The following COL4A6 variants were observed in gnomAD, a reference collection of about 807,000 sequenced individuals.
COL4A6 encodes the protein collagen type IV alpha 6 chain, also known as collagen alpha-6(IV) chain.
In COL4A6, 59 loss-of-function variants were observed where a neutral mutation model predicts 126.7. The ratio of observed to expected loss-of-function variants is 0.47; its 90% confidence interval spans 0.38 to 0.58. COL4A6 has a LOEUF of 0.58. COL4A6 is among the 20% of genes least tolerant of loss of function. The probability of loss-of-function intolerance (pLI) is 0.00; values close to 1 mark genes in which losing one functional copy is unlikely to be tolerated. For synonymous variants in COL4A6, 547 were observed against 496.6 expected (o/e 1.10, Z -1.35); for missense variants, 1,285 against 1,337.3 (o/e 0.96, Z 0.61).
chrX:108,421,790 A>G (rs1275656167), intron 2 of COL4A6, among the ~76,000 whole-genome samples: 1 of 111,721 alleles, frequency 9.0e-6, no homozygotes, highest in Non-Finnish European at 1.9e-5. Flanking sequence ...GATATACACC[A>G]AATTTATGAT....
rs182363338 is a variant in COL4A6, at chrX:108,243,865, A to G, written c.145-22491T>C. ...CCAGTTAATTACAGGATAGACATGA[A>G]CACCCTCCTACACAAACAACTTAGT... is the stretch of plus-strand genomic sequence containing the variant. On this transcript the variant is annotated intron_variant, in intron 3 of 44. Transcript: ENST00000334504. Among the ~76,000 whole-genome samples the G allele has an allele frequency of 4.1e-3, 461 of 111,980 alleles. 1 individual carries two copies. The highest frequency in any genetic ancestry group is 6.4e-3 in the Non-Finnish European group (341 of 53,175).
At chrX:108,231,140 A>C (rs2036294090) in intron 3 of COL4A6, among the ~76,000 whole-genome samples, 1 of 111,820 alleles carries the variant, frequency 8.9e-6, no homozygotes, top group Non-Finnish European at 1.9e-5. Context: ...GATGTCTTGC[A>C]AAGGCAATTT....
chrX:108,165,517 G>A (rs2034102240), intron 37 of COL4A6, 31 bp from the exon 38 acceptor site: 1 of 988,772 alleles, frequency 1.0e-6, no homozygotes, highest in Admixed American at 3.2e-5. Flanking sequence ...GGGCTGGATA[G>A]GCTCTGTGTG....
At chrX:108,293,713 A>AT (rs766113808) in intron 3 of COL4A6, among the ~76,000 whole-genome samples, 44 of 108,834 alleles carry the variant, frequency 4.0e-4, no homozygotes, top group Admixed American at 6.9e-4. Flanking sequence ...AGGTCAAGTG[A>AT]TTTTTTTTTT....
chrX:108,317,311 G>A (rs891450946), intron 2 of COL4A6, among the ~76,000 whole-genome samples: 1 of 112,111 alleles, frequency 8.9e-6, no homozygotes, highest in African/African-American at 3.2e-5. Context: ...AACTGTTGGA[G>A]AAGCTTGCTT....
intron 37 of COL4A6, among the ~76,000 whole-genome samples, chrX:108,167,302 T>G (rs1380048966): frequency 8.9e-6 from 1 of 111,824 alleles, no homozygotes; most frequent in Non-Finnish European, 1.9e-5. Flanking sequence ...TAGATAACAG[T>G]ACTGTAATGA....
chrX:108,225,428 A>T (rs1299501205), intron 3 of COL4A6, among the ~76,000 whole-genome samples: 1 of 112,968 alleles, frequency 8.9e-6, no homozygotes, highest in African/African-American at 3.2e-5. Flanking sequence ...ACAGGGCAGA[A>T]GGAACTCCTC....
At chrX:108,209,554 A>G (rs2035642386) in intron 8 of COL4A6, among the ~76,000 whole-genome samples, 1 of 112,419 alleles carries the variant, frequency 8.9e-6, no homozygotes, top group African/African-American at 3.2e-5. Context: ...ACAGCCTTAC[A>G]TGGACTCACC....
chrX:108,328,004 G>T (rs2039202960), intron 2 of COL4A6, among the ~76,000 whole-genome samples: 2 of 111,148 alleles, frequency 1.8e-5, no homozygotes, highest in African/African-American at 6.6e-5. Flanking sequence ...CCTTTCACAG[G>T]TCACTTTTGG....
At chrX:108,241,442 C>T (rs2036568427) in intron 3 of COL4A6, among the ~76,000 whole-genome samples, 1 of 107,692 alleles carries the variant, frequency 9.3e-6, no homozygotes, top group African/African-American at 3.3e-5. Context: ...AATCACTATG[C>T]TGAACTGCCA....
Position 108,219,678 on chromosome X carries a change from T to A in COL4A6, c.324+20A>T, listed in dbSNP as rs1370189501. On this transcript the variant is annotated intron_variant, in intron 5 of 44. Coordinates refer to ENST00000334504, the MANE Select transcript of COL4A6 (RefSeq NM_033641.4). The stretch of plus-strand genomic sequence containing the variant: ...GAACCTAAAGGAGGATATGAAAAAT[T>A]CATCTGTGGACACACTCACCGGAAT... 8.3e-7 allele frequency: 1 copy of A among 1,200,278 alleles called. No homozygotes were observed. Among genetic ancestry groups the A allele is most frequent in the Non-Finnish European group, 1.1e-6 (1 of 886,272 alleles).
intron 2 of COL4A6, among the ~76,000 whole-genome samples, chrX:108,342,320 T>C (rs894618755): frequency 8.9e-6 from 1 of 112,406 alleles, no homozygotes; most frequent in Non-Finnish European, 1.9e-5. Flanking sequence ...TTAGCAATTA[T>C]CTTTTCTTAT....
chrX:108,180,598 G>C lies in COL4A6; in HGVS notation c.2048C>G (p.Pro683Arg), dbSNP rs747203581. The change falls in exon 25 of 45, where the codon CCT becomes CGT. Residue 683 changes from proline (P) to arginine (R), a missense_variant. Pro to Arg is a moderately radical substitution (Grantham distance 103, BLOSUM62 -2). Transcript: ENST00000334504. ...FPGPKGSRGL[P>R]GTPGQPGSSG... is the part of the protein sequence containing the mutation. The stretch of plus-strand genomic sequence containing the variant: ...TGACCCAGGCTGGCCTGGGGTCCCA[G>C]GGAGGCCTCGAGACCCTTTAGGGCC... 1.7e-6 allele frequency: 2 copies of C among 1,200,562 alleles called. No homozygotes were observed. Among genetic ancestry groups the C allele is most frequent in the East Asian group, 5.9e-5 (2 of 33,660 alleles).
chrX:108,173,443 T>C (rs772625001), intron 31 of COL4A6, among the ~76,000 whole-genome samples: 1 of 106,733 alleles, frequency 9.4e-6, no homozygotes, highest in East Asian at 3.0e-4. Context: ...CTAGAACTAT[T>C]TATTTTCAAT....
intron 2 of COL4A6, among the ~76,000 whole-genome samples, chrX:108,348,546 T>A (rs2039766589): frequency 8.9e-6 from 1 of 112,279 alleles, no homozygotes; most frequent in African/African-American, 3.2e-5. Context: ...TTTTATAAGT[T>A]TTAAAACTAT....
chrX:108,221,515 G>T, intron 3 of COL4A6, 141 bp from the exon 4 acceptor site: 1 of 634,924 alleles, frequency 1.6e-6, no homozygotes, highest in Non-Finnish European at 2.4e-6. Context: ...CAAAGTTCCA[G>T]ACACGGATCA....
chrX:108,189,423 T>C (rs1157303019), intron 20 of COL4A6, among the ~76,000 whole-genome samples: 2 of 112,047 alleles, frequency 1.8e-5, no homozygotes, highest in Non-Finnish European at 3.8e-5. Flanking sequence ...TAACCTCCCC[T>C]GGGTGATTCT....
At chrX:108,203,096 T>G (rs1373141897) in intron 12 of COL4A6, 115 bp from the exon 13 acceptor site, 16 of 616,938 alleles carry the variant, frequency 2.6e-5, no homozygotes, top group Non-Finnish European at 4.3e-5. Flanking sequence ...GTATCAAGAT[T>G]AGGGTAGCAG....
chrX:108,263,467 C>T (rs1430711750), intron 3 of COL4A6, among the ~76,000 whole-genome samples: 2 of 112,053 alleles, frequency 1.8e-5, no homozygotes, highest in African/African-American at 6.5e-5. Flanking sequence ...TTCCCATCAA[C>T]ATCTTCCTGT....
Sources: allele counts gnomAD v4.1 joint callset (sites outside exome capture counted in the v4.1 genomes callset), GRCh38; gene constraint gnomAD v4.1.1; transcripts MANE v1.5; gene names NCBI Gene and HGNC (gene_info 2026-07-23, HGNC 2026-07-21).